Variants in SNX3 observed in about 807,000 individuals in gnomAD.
SNX3 encodes the protein sorting nexin 3, also known as sorting nexin-3.
A neutral mutation model predicts 17.7 loss-of-function variants in SNX3; 5 were observed. The ratio of observed to expected loss-of-function variants is 0.28; its 90% CI spans 0.15 to 0.59. SNX3 has a LOEUF of 0.59. Among genes scored for constraint, SNX3 ranks in the 20% least tolerant of loss-of-function variants. The pLI is 0.88. For missense variants in SNX3, 132 were observed against 206.8 expected (o/e 0.64, Z 2.22); for synonymous variants, 91 against 76.5 (o/e 1.19, Z -0.99).
chr6:108,240,388 T>G (rs1204864877), intron 1 of SNX3, among the ~76,000 whole-genome samples: 1 of 152,140 alleles, frequency 6.6e-6, no homozygotes, highest in Non-Finnish European at 1.5e-5. Context: ...CTGGCTAATT[T>G]TTGTATTTTT....
chr6:108,249,913 A>G (rs1039008916), intron 1 of SNX3, among the ~76,000 whole-genome samples: 3 of 152,058 alleles, frequency 2.0e-5, no homozygotes, highest in African/African-American at 7.2e-5. Context: ...TAGCCTCATG[A>G]TATTTTTTAG....
At chr6:108,252,914 AG>A (rs1399469024) in intron 1 of SNX3, among the ~76,000 whole-genome samples, 2 of 152,202 alleles carry the variant, frequency 1.3e-5, no homozygotes, top group African/African-American at 4.8e-5. Context: ...CTGGGATTAC[AG>A]GCATGAGCCA....
intron 3 of SNX3, among the ~76,000 whole-genome samples, chr6:108,212,494 T>A (rs1000111234): frequency 2.0e-5 from 3 of 152,000 alleles, no homozygotes; most frequent in Non-Finnish European, 4.4e-5. Context: ...TGTGCCATCA[T>A]GCCCAGCTAA....
chr6:108,254,416 G>T (rs1268781891), intron 1 of SNX3, among the ~76,000 whole-genome samples: 1 of 152,138 alleles, frequency 6.6e-6, no homozygotes, highest in Admixed American at 6.5e-5. Flanking sequence ...AATGAGCCCA[G>T]ATTGCACCAC....
At chr6:108,228,571 G>A (rs1775042565) in intron 1 of SNX3, among the ~76,000 whole-genome samples, 1 of 152,018 alleles carries the variant, frequency 6.6e-6, no homozygotes, top group Non-Finnish European at 1.5e-5. Flanking sequence ...AGCTGGGTAT[G>A]GTGGCACATG....
At chr6:108,220,460 G>A (rs146567413) in intron 2 of SNX3, among the ~76,000 whole-genome samples, 1 of 152,028 alleles carries the variant, frequency 6.6e-6, no homozygotes, top group East Asian at 1.9e-4. Context: ...ACTGCCTGTA[G>A]TATTAAGTAC....
intron 2 of SNX3, among the ~76,000 whole-genome samples, chr6:108,220,300 T>A (rs999219413): frequency 2.0e-5 from 3 of 152,092 alleles, no homozygotes; most frequent in African/African-American, 2.4e-5. Flanking sequence ...CAACTTTCAA[T>A]CCTGCAAGCT....
At chr6:108,233,298 T>TTTA (rs1357793594) in intron 1 of SNX3, among the ~76,000 whole-genome samples, 3 of 152,242 alleles carry the variant, frequency 2.0e-5, no homozygotes, top group African/African-American at 7.2e-5. Flanking sequence ...TTCATGAAGA[T>TTTA]TTACATAATC....
chr6:108,254,727 G>A (rs533507151), intron 1 of SNX3, among the ~76,000 whole-genome samples: 1 of 152,104 alleles, frequency 6.6e-6, no homozygotes, highest in Non-Finnish European at 1.5e-5. Context: ...AGCTACCAGG[G>A]CACACAGGAA....
At chr6:108,255,871 T>G (rs1776014201) in intron 1 of SNX3, among the ~76,000 whole-genome samples, 2 of 152,208 alleles carry the variant, frequency 1.3e-5, no homozygotes, top group Admixed American at 6.5e-5. Flanking sequence ...ATTTAGCACC[T>G]TGTCAAAATT....
At chr6:108,225,528 G>T (rs1045543988) in intron 1 of SNX3, among the ~76,000 whole-genome samples, 3 of 152,062 alleles carry the variant, frequency 2.0e-5, no homozygotes, top group Non-Finnish European at 2.9e-5. Flanking sequence ...CTACTTGGGA[G>T]GCTGAGGCAG....
At chr6:108,248,933 AAG>A (rs1311361560) in intron 1 of SNX3, among the ~76,000 whole-genome samples, 2 of 152,108 alleles carry the variant, frequency 1.3e-5, no homozygotes, top group Admixed American at 1.3e-4. Context: ...GCTTTTAGAC[AAG>A]AGAGACAGAG....
Position 108,260,800 on chromosome 6 carries a change from A to AC in SNX3, c.121dup (p.Val41GlyfsTer28). Reference sequence around the variant, plus strand: ...GTAAGTGGTGAAGCGGCCCCGGCCGACCCCCACCGTTTGCGGGTTGCTCAC... The same window carrying AC: ...GTAAGTGGTGAAGCGGCCCCGGCCGACCCCCCACCGTTTGCGGGTTGCTCAC... On this transcript the variant is annotated frameshift_variant, in exon 1 of 4. Transcript: ENST00000230085. LOFTEE classifies it high-confidence loss of function. 6.2e-7 allele frequency: 1 copy of AC among 1,613,282 alleles called. No homozygotes were observed. Among genetic ancestry groups the AC allele is most frequent in the Non-Finnish European group, 8.5e-7 (1 of 1,179,730 alleles).
At chr6:108,256,487 A>G (rs1037249665) in intron 1 of SNX3, among the ~76,000 whole-genome samples, 3 of 152,236 alleles carry the variant, frequency 2.0e-5, no homozygotes, top group Admixed American at 2.0e-4. Context: ...GCACTGTGCT[A>G]GAAAGATTCA....
intron 1 of SNX3, among the ~76,000 whole-genome samples, chr6:108,227,090 G>C (rs976964157): frequency 1.3e-5 from 2 of 152,148 alleles, no homozygotes; most frequent in Non-Finnish European, 1.5e-5. Flanking sequence ...ATAATTCCCA[G>C]AAAGAAAGCA....
At position 108,240,736 on chromosome 6, in the gene SNX3, G is replaced by T. The variant is rs984057133; in HGVS notation, c.163-17691C>A. 2.4e-4 allele frequency among the ~76,000 whole-genome samples: 37 copies of T among 152,062 alleles called. 1 individual carries two copies. The highest frequency in any genetic ancestry group is 1.5e-3 in the Admixed American group (23 of 15,260). ...AAACAGTGGGGAAGGCTAATATTGC[G>T]GCAACCCAAGGTTGCAATACTGGGG... On this transcript the variant is annotated intron_variant, in intron 1 of 3. Transcript: ENST00000230085.
At chr6:108,256,255 G>C (rs964389320) in intron 1 of SNX3, among the ~76,000 whole-genome samples, 3 of 151,996 alleles carry the variant, frequency 2.0e-5, no homozygotes, top group Non-Finnish European at 1.5e-5. Flanking sequence ...ATACACAAAG[G>C]TTACTTGGTT....
intron 3 of SNX3, 123 bp from the exon 4 acceptor site, chr6:108,212,377 T>C: frequency 1.6e-6 from 1 of 630,604 alleles, no homozygotes; most frequent in Non-Finnish European, 2.7e-6. Context: ...TCTTGCTCTG[T>C]TGCACAGGCT....
chr6:108,256,965 C>T (rs544511890), intron 1 of SNX3, among the ~76,000 whole-genome samples: 45 of 152,336 alleles, frequency 3.0e-4, no homozygotes, highest in African/African-American at 1.1e-3. Context: ...ACACTATCCT[C>T]AAACCAAAAG....
Sources: allele counts gnomAD v4.1 joint callset (sites outside exome capture counted in the v4.1 genomes callset), GRCh38; gene constraint gnomAD v4.1.1; transcripts MANE v1.5; gene names NCBI Gene and HGNC (gene_info 2026-07-23, HGNC 2026-07-21).